The following SULF1 variants were observed in gnomAD, a reference collection of about 807,000 sequenced individuals.
The protein encoded by SULF1 is extracellular sulfatase Sulf-1.
Under a neutral mutation model 110.5 loss-of-function variants are expected in SULF1, and 46 were observed. The observed-to-expected ratio is 0.42, with a 90% confidence interval of 0.33 to 0.53. SULF1 has a LOEUF of 0.53. SULF1 is among the 20% of genes least tolerant of loss of function. The probability of loss-of-function intolerance (pLI) is 0.12; values close to 1 mark genes in which losing one functional copy is unlikely to be tolerated. For missense variants in SULF1, 941 were observed against 1,094.2 expected (o/e 0.86, Z 1.98); for synonymous variants, 371 against 387.1 (o/e 0.96, Z 0.49).
chr8:69,604,520 C>A, intron 12 of SULF1, among the ~76,000 whole-genome samples: 1 of 152,090 alleles, frequency 6.6e-6, no homozygotes, highest in Non-Finnish European at 1.5e-5. Context: ...ACAAAAGGAA[C>A]TTTGAGCATG....
chr8:69,479,593 G>A (rs1379127294), intron 1 of SULF1, among the ~76,000 whole-genome samples: 1 of 152,044 alleles, frequency 6.6e-6, no homozygotes, highest in Non-Finnish European at 1.5e-5. Context: ...AATTTGCAGT[G>A]GATTTTCCAG....
In SULF1 at chr8:69,621,261, G is replaced by T; in HGVS notation, c.1594+10G>T. On this transcript the variant is annotated intron_variant, in intron 14 of 22. Transcript: ENST00000402687. ...AACCAGGGGACTCCAAGTAAGCCAC[G>T]CTTTTGTGACCATCTCAATGGTGGC... 6.2e-7 allele frequency: 1 copy of T among 1,606,154 alleles called. No individual in the cohort carries two copies. Among genetic ancestry groups the T allele is most frequent in the Non-Finnish European group, 8.5e-7 (1 of 1,175,262 alleles).
At chr8:69,655,387 C>G (rs575267111) in intron 22 of SULF1, among the ~76,000 whole-genome samples, 14 of 152,306 alleles carry the variant, frequency 9.2e-5, no homozygotes, top group African/African-American at 1.4e-4. Flanking sequence ...TGATGGTGCC[C>G]GTAATACTCC....
chr8:69,608,492 C>T (rs976445116), intron 13 of SULF1, among the ~76,000 whole-genome samples: 8 of 152,040 alleles, frequency 5.3e-5, no homozygotes, highest in Non-Finnish European at 1.2e-4. Flanking sequence ...CCAGCCTGGC[C>T]GACATAGTCA....
intron 22 of SULF1, among the ~76,000 whole-genome samples, chr8:69,655,827 T>C (rs934886787): frequency 6.6e-6 from 1 of 152,236 alleles, no homozygotes; most frequent in African/African-American, 2.4e-5. Flanking sequence ...TGGTCTGTGC[T>C]CCCTCTCACA....
intron 13 of SULF1, among the ~76,000 whole-genome samples, chr8:69,613,303 T>G (rs1182850378): frequency 3.1e-5 from 2 of 65,398 alleles, no homozygotes; most frequent in Middle Eastern, 8.3e-3. Context: ...ACAGATTTGG[T>G]TTTTTTTTTT....
chr8:69,575,974 C>T lies in SULF1; in HGVS notation c.177C>T (p.Ser59=). The change falls in exon 6 of 23, where the codon TCC becomes TCT. Residue 59 remains serine (S), a synonymous_variant. Coordinates refer to ENST00000402687, the MANE Select transcript of SULF1 (RefSeq NM_001128205.2). ...LTDDQDVELG[S]LQVMNKTRKI... ...TGCTGGCACTGTGCCTTTCAGGGTC[C>T]CTGCAAGTCATGAACAAAACGAGAA... 1 of 1,613,642 alleles carries T rather than the reference C, an allele frequency of 6.2e-7. No homozygotes were observed. Among genetic ancestry groups the T allele is most frequent in the South Asian group, 1.1e-5 (1 of 90,976 alleles).
At chr8:69,567,483 C>A (rs956526103) in intron 5 of SULF1, among the ~76,000 whole-genome samples, 1 of 152,148 alleles carries the variant, frequency 6.6e-6, no homozygotes, top group Non-Finnish European at 1.5e-5. Context: ...CATTAAACAG[C>A]AACTCCCGTT....
At chr8:69,475,277 C>A (rs1398730200) in intron 1 of SULF1, among the ~76,000 whole-genome samples, 1 of 151,810 alleles carries the variant, frequency 6.6e-6, no homozygotes, top group Non-Finnish European at 1.5e-5. Flanking sequence ...AAACAGATGC[C>A]TTAGGAAGTT....
At chr8:69,641,655 G>T (rs1438188101) in intron 22 of SULF1, among the ~76,000 whole-genome samples, 2 of 152,110 alleles carry the variant, frequency 1.3e-5, no homozygotes, top group African/African-American at 4.8e-5. Context: ...GAGGCAGGAG[G>T]ATCGCTTGAG....
chr8:69,477,761 T>A (rs1809360394), intron 1 of SULF1, among the ~76,000 whole-genome samples: 1 of 152,324 alleles, frequency 6.6e-6, no homozygotes, highest in Admixed American at 6.5e-5. Context: ...TCTCTTTGCC[T>A]GCATTCTGCC....
intron 1 of SULF1, among the ~76,000 whole-genome samples, chr8:69,467,872 T>C (rs1808919896): frequency 6.6e-6 from 1 of 152,114 alleles, no homozygotes; most frequent in Non-Finnish European, 1.5e-5. Context: ...ACAAAATGAG[T>C]TGTCATCATA....
intron 3 of SULF1, among the ~76,000 whole-genome samples, chr8:69,536,207 A>G (rs1007152472): frequency 2.0e-5 from 3 of 152,108 alleles, no homozygotes; most frequent in African/African-American, 7.2e-5. Context: ...TAACAATACC[A>G]CCCATTGTCT....
At chr8:69,643,688 C>A (rs189331902) in intron 22 of SULF1, among the ~76,000 whole-genome samples, 2 of 152,202 alleles carry the variant, frequency 1.3e-5, no homozygotes, top group East Asian at 3.9e-4. Context: ...TCTATCTTTT[C>A]TTTTCTCTTC....
chr8:69,492,907 T>G lies in SULF1; in HGVS notation c.-609T>G, dbSNP rs533972001. The G allele has an allele frequency of 6.5e-6, 1 of 152,766 alleles. No homozygotes were observed. Among genetic ancestry groups the G allele is most frequent in the African/African-American group, 2.4e-5 (1 of 41,570 alleles). The allele number at this position is 152,766 out of a possible 1,614,324, so 9.5% of individuals were successfully genotyped here. ...GGGCCGGGGCGGCTTGATCGGCAAC[T>G]AGGAAACCCCAGGCGCAGAGGCCAG... On this transcript the variant is annotated 5_prime_UTR_variant, in exon 1 of 23. Transcript: ENST00000402687.
intron 3 of SULF1, among the ~76,000 whole-genome samples, chr8:69,521,237 T>G (rs928178812): frequency 2.6e-5 from 4 of 152,208 alleles, no homozygotes; most frequent in African/African-American, 9.6e-5. Context: ...GGGCACCTAC[T>G]ACATGCAATG....
At chr8:69,599,735 T>G (rs1478756167) in intron 8 of SULF1, among the ~76,000 whole-genome samples, 2 of 152,204 alleles carry the variant, frequency 1.3e-5, no homozygotes, top group African/African-American at 2.4e-5. Flanking sequence ...GGGTGAGAAT[T>G]GCCATAGCAT....
chr8:69,581,649 T>C (rs2150755318), intron 6 of SULF1, among the ~76,000 whole-genome samples: 1 of 152,284 alleles, frequency 6.6e-6, no homozygotes, highest in Non-Finnish European at 1.5e-5. Flanking sequence ...GTAACCTACA[T>C]GTAGACATAA....
intron 6 of SULF1, among the ~76,000 whole-genome samples, chr8:69,580,126 T>G (rs1398898868): frequency 6.6e-6 from 1 of 152,182 alleles, no homozygotes; most frequent in African/African-American, 2.4e-5. Context: ...GGCATATTTT[T>G]GGACTGGCTA....
Sources: allele counts gnomAD v4.1 joint callset (sites outside exome capture counted in the v4.1 genomes callset), GRCh38; gene constraint gnomAD v4.1.1; transcripts MANE v1.5; gene names NCBI Gene and HGNC (gene_info 2026-07-23, HGNC 2026-07-21).